Variants in PIP5K1A observed in about 807,000 individuals in gnomAD.
PIP5K1A encodes phosphatidylinositol-4-phosphate 5-kinase type 1 alpha, also known as phosphatidylinositol 4-phosphate 5-kinase type-1 alpha.
In PIP5K1A, 46 loss-of-function variants were observed where a neutral mutation model predicts 72.9. The observed-to-expected ratio is 0.63, with a 90% confidence interval of 0.50 to 0.81. The LOEUF (loss-of-function observed/expected upper bound fraction) is 0.81. PIP5K1A is among the 30% of genes least tolerant of loss of function. The probability of loss-of-function intolerance (pLI) is 0.00; values close to 1 mark genes in which losing one functional copy is unlikely to be tolerated. For synonymous variants in PIP5K1A, 228 were observed against 255.1 expected (o/e 0.89, Z 1.01); for missense variants, 458 against 706.1 (o/e 0.65, Z 3.98).
At chr1:151,208,322 A>C (rs1053626832) in intron 1 of PIP5K1A, among the ~76,000 whole-genome samples, 10 of 151,716 alleles carry the variant, frequency 6.6e-5, no homozygotes, top group African/African-American at 2.4e-4. Flanking sequence ...TAAGAAACAA[A>C]ATTTAGCTTT....
At chr1:151,232,849 C>G (rs902659171) in intron 7 of PIP5K1A, 146 bp downstream of exon 7, 3 of 643,814 alleles carry the variant, frequency 4.7e-6, no homozygotes, top group Middle Eastern at 5.8e-4. Flanking sequence ...GCCTGTAATC[C>G]CAGGACTTTG....
intron 9 of PIP5K1A, 136 bp from the exon 10 acceptor site, chr1:151,238,046 G>T: frequency 1.7e-6 from 1 of 605,280 alleles, no homozygotes; most frequent in Non-Finnish European, 3.0e-6. Flanking sequence ...TTCTCTTTTT[G>T]TTTTCTTGAT....
chr1:151,206,763 A>G (rs1685989816), intron 1 of PIP5K1A, among the ~76,000 whole-genome samples: 1 of 152,104 alleles, frequency 6.6e-6, no homozygotes, highest in Admixed American at 6.6e-5. Context: ...ACAGGGTTTC[A>G]CCATGCTGGC....
At position 151,227,358 on chromosome 1, in the gene PIP5K1A, C is replaced by G. The variant is rs1689308348; in HGVS notation, c.195C>G (p.Gly65=). 35 of 1,612,538 alleles carry G rather than the reference C, an allele frequency of 2.2e-5. No homozygotes were observed. The highest frequency in any genetic ancestry group is 3.0e-5 in the Non-Finnish European group (35 of 1,178,868). Residue 65 remains glycine, a synonymous_variant, in exon 4 of 16, where the codon GGC becomes GGG. Coordinates refer to ENST00000368888, the MANE Select transcript of PIP5K1A (RefSeq NM_001135638.2). ...YASGMPIKKI[G]HRSVDSSGET... is the part of the protein sequence containing the mutation. ...CTGGCATGCCCATCAAGAAAATAGG[C>G]CATAGAAGTGTTGATTCCTCAGGAG...
At chr1:151,228,448 C>T (rs587647504) in intron 4 of PIP5K1A, among the ~76,000 whole-genome samples, 1 of 152,252 alleles carries the variant, frequency 6.6e-6, no homozygotes, top group Non-Finnish European at 1.5e-5. Flanking sequence ...CCGTGTCTCA[C>T]CCCCTTTTCC....
At chr1:151,207,568 G>A (rs1686110877) in intron 1 of PIP5K1A, among the ~76,000 whole-genome samples, 2 of 142,198 alleles carry the variant, frequency 1.4e-5, no homozygotes, top group Non-Finnish European at 3.0e-5. Context: ...GTCTCGCTCT[G>A]TCCCTCAGGC....
At chr1:151,195,981 G>A (rs186675026), upstream of PIP5K1A, among the ~76,000 whole-genome samples, 310 of 124,686 alleles carry the variant, frequency 2.5e-3, 1 homozygote, top group African/African-American at 8.0e-3. Context: ...TGCAAGCTCC[G>A]CCTCCCAGGT....
At chr1:151,222,694 A>G (rs1288453456) in intron 1 of PIP5K1A, among the ~76,000 whole-genome samples, 1 of 152,212 alleles carries the variant, frequency 6.6e-6, no homozygotes, top group Non-Finnish European at 1.5e-5. Flanking sequence ...GCACTGACCA[A>G]AGAGTCTAGA....
intron 1 of PIP5K1A, among the ~76,000 whole-genome samples, chr1:151,202,906 G>T (rs1572133374): frequency 6.6e-6 from 1 of 150,772 alleles, no homozygotes; most frequent in East Asian, 2.0e-4. Flanking sequence ...CCAAGTAACT[G>T]AGATTACAGG....
Position 151,227,311 on chromosome 1 carries a change from T to A in PIP5K1A, c.157-9T>A. 2 of 1,589,328 alleles carry A rather than the reference T, an allele frequency of 1.3e-6. No homozygotes were observed. Among genetic ancestry groups the A allele is most frequent in the Non-Finnish European group, 1.7e-6 (2 of 1,157,758 alleles). On this transcript the variant is annotated splice_polypyrimidine_tract_variant and intron_variant, in intron 3 of 15. Coordinates refer to ENST00000368888, the MANE Select transcript of PIP5K1A (RefSeq NM_001135638.2). ...GGGAATTGTATTATAATCTTGACTC[T>A]TCTTCTAGGTGCCTTATGCCTCTGG... is the stretch of plus-strand genomic sequence containing the variant.
intron 1 of PIP5K1A, among the ~76,000 whole-genome samples, chr1:151,200,020 GC>G (rs988027348): frequency 1.3e-5 from 2 of 151,992 alleles, no homozygotes; most frequent in Non-Finnish European, 2.9e-5. Context: ...ACTCTAAACT[GC>G]CCAACTTTGG....
intron 1 of PIP5K1A, among the ~76,000 whole-genome samples, chr1:151,214,226 A>C (rs1390314721): frequency 6.6e-6 from 1 of 152,190 alleles, no homozygotes; most frequent in East Asian, 1.9e-4. Context: ...TTATATATAC[A>C]CTGCTGTAAT....
Position 151,240,007 on chromosome 1 carries a change from T to A in PIP5K1A, c.1331T>A (p.Phe444Tyr). 6.2e-7 allele frequency: 1 copy of A among 1,612,842 alleles called. No homozygotes were observed. Among genetic ancestry groups the A allele is most frequent in the Non-Finnish European group, 8.5e-7 (1 of 1,179,236 alleles). ...PGFYAERFQRFMCNTVFKKIP... is the reference protein window; with the variant it reads ...PGFYAERFQRYMCNTVFKKIP... ...TTCTACGCTGAACGGTTCCAGCGCTTCATGTGCAACACAGTATTTAAGAAG... is the reference window on the plus strand; with the variant it reads ...TTCTACGCTGAACGGTTCCAGCGCTACATGTGCAACACAGTATTTAAGAAG... The change falls in exon 12 of 16, where the codon TTC becomes TAC. Residue 444 changes from phenylalanine to tyrosine, a missense_variant. Phe to Tyr is a conservative substitution (Grantham distance 22, BLOSUM62 3). Around this residue, in one of 3 missense-constraint regions of PIP5K1A, gnomAD observed 157 missense variants for 175.5 expected, o/e 0.89. Transcript: ENST00000368888.
chr1:151,232,143 T>TC (rs1008914945), intron 5 of PIP5K1A, 105 bp from the exon 6 acceptor site: 1 of 772,760 alleles, frequency 1.3e-6, no homozygotes, highest in African/African-American at 1.7e-5. Context: ...AGGAATGTAT[T>TC]CCCCCACTCC....
chr1:151,248,236 C>T lies in PIP5K1A; in HGVS notation c.*371C>T. The stretch of plus-strand genomic sequence containing the variant: ...CAGCTTTCTTTCCCCTCGTCTTTGA[C>T]TAGGAACCGGACTCTTAATTTCCTC... On this transcript the variant is annotated 3_prime_UTR_variant, in exon 16 of 16. Coordinates refer to ENST00000368888, the MANE Select transcript of PIP5K1A (RefSeq NM_001135638.2). 1 of 320,932 alleles carries T rather than the reference C, an allele frequency of 3.1e-6. No homozygotes were observed. Among genetic ancestry groups the T allele is most frequent in the Non-Finnish European group, 5.9e-6 (1 of 169,708 alleles). 19.9% of individuals were successfully genotyped at this position (320,932 alleles called of 1,614,324 possible).
At chr1:151,209,033 CTT>C (rs1223884492) in intron 1 of PIP5K1A, among the ~76,000 whole-genome samples, 10 of 141,454 alleles carry the variant, frequency 7.1e-5, no homozygotes, top group Admixed American at 7.1e-5. Flanking sequence ...CGCCTGGCCG[CTT>C]TTTTTTTTTT....
At chr1:151,195,916 A>G, upstream of PIP5K1A, among the ~76,000 whole-genome samples, 2 of 6,488 alleles carry the variant, frequency 3.1e-4, no homozygotes, top group South Asian at 3.3e-3. Flanking sequence ...TTTTTTTGAG[A>G]CGGAGTCTCG....
At chr1:151,231,506 A>G (rs1423360707) in intron 4 of PIP5K1A, among the ~76,000 whole-genome samples, 165 bp from the exon 5 acceptor site, 1 of 152,178 alleles carries the variant, frequency 6.6e-6, no homozygotes, top group Non-Finnish European at 1.5e-5. Flanking sequence ...TGCAGAGTAC[A>G]GCATAGGGAT....
intron 1 of PIP5K1A, among the ~76,000 whole-genome samples, chr1:151,215,026 CTTTTTTTT>C (rs981508990): frequency 8.7e-6 from 1 of 115,088 alleles, no homozygotes; most frequent in African/African-American, 3.3e-5. Context: ...CCTGTGCATT[CTTTTTTTT>C]TTTTTTTTTT....
Sources: allele counts gnomAD v4.1 joint callset (sites outside exome capture counted in the v4.1 genomes callset), GRCh38; gene constraint gnomAD v4.1.1; regional missense constraint gnomAD v4.1.1; transcripts MANE v1.5; gene names NCBI Gene and HGNC (gene_info 2026-07-23, HGNC 2026-07-21).